Variants in RAB7A observed in about 807,000 individuals in gnomAD.
RAB7A encodes ras-related protein Rab-7a.
Under a neutral mutation model 24.5 loss-of-function variants are expected in RAB7A, and 2 were observed. The observed-to-expected ratio is 0.08, with a 90% CI of 0.03 to 0.26. The LOEUF (loss-of-function observed/expected upper bound fraction) is 0.26, where lower values mean the gene tolerates loss of function less well. RAB7A is among the 10% of genes least tolerant of loss of function. The pLI is 1.00. For missense variants in RAB7A, 118 were observed against 255.7 expected (o/e 0.46, Z 3.67); for synonymous variants, 100 against 95.9 (o/e 1.04, Z -0.25).
chr3:128,763,301 G>A (rs1340728584), intron 1 of RAB7A, among the ~76,000 whole-genome samples: 4 of 140,558 alleles, frequency 2.8e-5, no homozygotes, highest in East Asian at 2.2e-4. Flanking sequence ...TGCAAGCTCC[G>A]CCTCCTGGGT....
intron 5 of RAB7A, 81 bp from the exon 6 acceptor site, chr3:128,813,246 C>T (rs1310506997): frequency 1.5e-6 from 2 of 1,329,798 alleles, no homozygotes; most frequent in Non-Finnish European, 2.2e-6. Flanking sequence ...GTGAGCCCCT[C>T]CTGGGCAGAA....
At chr3:128,782,672 G>T (rs1324191032) in intron 1 of RAB7A, among the ~76,000 whole-genome samples, 1 of 109,238 alleles carries the variant, frequency 9.2e-6, no homozygotes, top group Non-Finnish European at 1.7e-5. Context: ...ACCTGGAAAT[G>T]GCGGGGTGGG....
intron 3 of RAB7A, among the ~76,000 whole-genome samples, chr3:128,804,138 C>T (rs1933754810): frequency 6.7e-6 from 1 of 149,670 alleles, no homozygotes; most frequent in Non-Finnish European, 1.5e-5. Flanking sequence ...CCAGCATGTG[C>T]AGTTAGACTT....
intron 5 of RAB7A, among the ~76,000 whole-genome samples, chr3:128,808,981 G>A (rs563828376): frequency 2.5e-4 from 38 of 152,136 alleles, no homozygotes; most frequent in South Asian, 4.1e-4. Flanking sequence ...TGCCAGGAGA[G>A]CCCTCAAGTG....
chr3:128,746,305 C>T (rs1203232576), intron 1 of RAB7A, among the ~76,000 whole-genome samples: 3 of 152,024 alleles, frequency 2.0e-5, no homozygotes, highest in Non-Finnish European at 4.4e-5. Flanking sequence ...CAGAGTCTTG[C>T]TGTGTTACCC....
At chr3:128,736,900 C>G (rs1171382261) in intron 1 of RAB7A, among the ~76,000 whole-genome samples, 1 of 152,060 alleles carries the variant, frequency 6.6e-6, no homozygotes, top group Non-Finnish European at 1.5e-5. Flanking sequence ...TATGTAATAG[C>G]TATTGGGGGA....
intron 1 of RAB7A, among the ~76,000 whole-genome samples, chr3:128,784,329 A>G (rs926791816): frequency 2.6e-5 from 4 of 152,028 alleles, no homozygotes; most frequent in Non-Finnish European, 5.9e-5. Flanking sequence ...GTTTTCCCTC[A>G]TTTCCCATAC....
At chr3:128,742,390 G>A (rs6790287) in intron 1 of RAB7A, among the ~76,000 whole-genome samples, 11,533 of 152,160 alleles carry the variant, frequency 0.076, 734 homozygotes, top group East Asian at 0.38. Context: ...GGACCCGAGC[G>A]GGTTGCCCAT....
chr3:128,771,987 TAAA>T (rs1932948568), intron 1 of RAB7A, among the ~76,000 whole-genome samples: 1 of 152,186 alleles, frequency 6.6e-6, no homozygotes, highest in Admixed American at 6.5e-5. Flanking sequence ...GAGATACTGT[TAAA>T]AGATAGTTTT....
At chr3:128,735,032 G>A (rs543634592) in intron 1 of RAB7A, among the ~76,000 whole-genome samples, 16 of 152,228 alleles carry the variant, frequency 1.1e-4, no homozygotes, top group Admixed American at 2.6e-4. Flanking sequence ...AATATATGTG[G>A]GTTTCCTGAA....
At chr3:128,804,888 T>C (rs1302698387) in intron 3 of RAB7A, among the ~76,000 whole-genome samples, 1 of 152,226 alleles carries the variant, frequency 6.6e-6, no homozygotes, top group African/African-American at 2.4e-5. Context: ...ACTAAATCTG[T>C]TGGGCAGCAG....
At chr3:128,730,025 A>G (rs1004220630) in intron 1 of RAB7A, among the ~76,000 whole-genome samples, 1 of 152,158 alleles carries the variant, frequency 6.6e-6, no homozygotes, top group Non-Finnish European at 1.5e-5. Context: ...CTACCATTGT[A>G]TTCTCAGGCA....
intron 1 of RAB7A, chr3:128,764,508 G>C (rs2070808101): frequency 3.7e-6 from 3 of 817,970 alleles, no homozygotes; most frequent in South Asian, 1.3e-5. Flanking sequence ...TCTTGTTAAA[G>C]ATATATTCTG....
chr3:128,761,753 AAATT>A (rs1559785716), intron 1 of RAB7A, among the ~76,000 whole-genome samples: 2 of 152,250 alleles, frequency 1.3e-5, no homozygotes, highest in East Asian at 3.8e-4. Flanking sequence ...AATTTTAGTT[AAATT>A]ACAGGGACAG....
intron 1 of RAB7A, among the ~76,000 whole-genome samples, chr3:128,774,278 C>A (rs1489226392): frequency 6.6e-6 from 1 of 150,978 alleles, no homozygotes; most frequent in Non-Finnish European, 1.5e-5. Context: ...AGTGACTTCC[C>A]CCTTCTCCCT....
intron 1 of RAB7A, among the ~76,000 whole-genome samples, chr3:128,755,297 A>G (rs186892782): frequency 2.6e-3 from 394 of 152,326 alleles, no homozygotes; most frequent in Non-Finnish European, 4.4e-3. Context: ...AAAAAGGATT[A>G]GAAACAATTT....
chr3:128,789,445 C>G (rs1559793230), intron 1 of RAB7A, among the ~76,000 whole-genome samples: 1 of 151,572 alleles, frequency 6.6e-6, no homozygotes, highest in Non-Finnish European at 1.5e-5. Context: ...AAGTGATTCT[C>G]CTGCCTCAGC....
At chr3:128,801,103 G>A (rs1047397123) in intron 3 of RAB7A, among the ~76,000 whole-genome samples, 3 of 152,146 alleles carry the variant, frequency 2.0e-5, no homozygotes, top group Non-Finnish European at 4.4e-5. Flanking sequence ...AGTGTTTTTT[G>A]TATTTAAAGA....
intron 1 of RAB7A, among the ~76,000 whole-genome samples, chr3:128,757,018 A>AT (rs2070735112): frequency 6.6e-6 from 1 of 151,426 alleles, no homozygotes; most frequent in Non-Finnish European, 1.5e-5. Flanking sequence ...TCATTTTTGT[A>AT]TTTTTTAGTA....
Sources: allele counts gnomAD v4.1 joint callset (sites outside exome capture counted in the v4.1 genomes callset), GRCh38; gene constraint gnomAD v4.1.1; transcripts MANE v1.5; gene names NCBI Gene and HGNC (gene_info 2026-07-23, HGNC 2026-07-21).